FANCA: variants seen among roughly 807,000 people sequenced by gnomAD.
FANCA encodes FA complementation group A.
FANCA carries 236 observed loss-of-function variants against 194.3 expected under a neutral mutation model. That is an observed-to-expected ratio of 1.21 (90% CI 1.09 to 1.35). The LOEUF is 1.35. Among genes scored for constraint, FANCA ranks in the 40% most tolerant of loss-of-function variants. The pLI is 0.00. For missense variants in FANCA, 2,628 were observed against 1,813.9 expected (o/e 1.45, Z -8.15); for synonymous variants, 1,014 against 715.8 (o/e 1.42, Z -6.65).
intron 2 of FANCA, among the ~76,000 whole-genome samples, 186 bp from the exon 3 acceptor site, chr16:89,814,799 G>A (rs1287084893): frequency 6.6e-6 from 1 of 151,920 alleles, no homozygotes; most frequent in Non-Finnish European, 1.5e-5. Context: ...AAATTAGGAG[G>A]GCATGGTGGC....
At chr16:89,773,874 A>G (rs1396909733) in intron 21 of FANCA, among the ~76,000 whole-genome samples, 2 of 151,606 alleles carry the variant, frequency 1.3e-5, no homozygotes, top group Non-Finnish European at 2.9e-5. Context: ...CCGGGTTCAA[A>G]TCATCCTGCC....
intron 29 of FANCA, among the ~76,000 whole-genome samples, chr16:89,759,996 G>A (rs1025635211): frequency 6.6e-6 from 1 of 151,798 alleles, no homozygotes. Flanking sequence ...CCGGGACCGG[G>A]GTGCTCCACC....
chr16:89,795,003 G>A (rs954709018), intron 11 of FANCA, among the ~76,000 whole-genome samples: 7 of 152,170 alleles, frequency 4.6e-5, no homozygotes, highest in Non-Finnish European at 8.8e-5. Context: ...ACTAGACAGC[G>A]GCTGGGCACA....
At chr16:89,746,310 G>C (rs750888272) in intron 35 of FANCA, among the ~76,000 whole-genome samples, 6 of 152,192 alleles carry the variant, frequency 3.9e-5, no homozygotes, top group Non-Finnish European at 7.3e-5. Context: ...TGGACATGAA[G>C]GTGCCCGTGG....
chr16:89,738,845 T>A (rs2062038813), intron 42 of FANCA, 37 bp downstream of exon 42: 1 of 1,614,094 alleles, frequency 6.2e-7, no homozygotes, highest in South Asian at 1.1e-5. Context: ...AATTCTCATG[T>A]CCCCCACATG....
Position 89,742,802 on chromosome 16 carries a change from C to G in FANCA, c.3763G>C (p.Glu1255Gln). The change falls in exon 37 of 43, where the codon GAG becomes CAG. Residue 1255 changes from glutamate to glutamine, a missense_variant and splice_region_variant. Glu to Gln is a conservative substitution (Grantham distance 29, BLOSUM62 2). Coordinates refer to ENST00000389301, the MANE Select transcript of FANCA (RefSeq NM_000135.4). ...AGTAAAAGAATTTCCTATCTTGCCT[C>G]CTCTCTCTCGCAGTCCAGCTTCTTT... is the stretch of plus-strand genomic sequence containing the variant. ...QLKKLDCERE[E>Q]LLVFLFFFSL... is the part of the protein sequence containing the mutation. 5 of 1,614,074 alleles carry G rather than the reference C, an allele frequency of 3.1e-6. No individual in the cohort carries two copies. The highest frequency in any genetic ancestry group is 1.3e-5 in the African/African-American group (1 of 75,026).
chr16:89,765,644 C>A (rs901989535), intron 27 of FANCA, among the ~76,000 whole-genome samples: 1 of 152,244 alleles, frequency 6.6e-6, no homozygotes, highest in Non-Finnish European at 1.5e-5. Context: ...ACCAACTGGA[C>A]AAGCCAGACA....
rs1567590008 is a variant in FANCA at position 89,738,359 on chromosome 16, G to A, written c.*242C>T. ...GGTCGGAGGGTGCTGCCCGCCCTTG[G>A]TGCTGGAGGCGGGCTTGGTGTCCGG... is the stretch of plus-strand genomic sequence containing the variant. On this transcript the variant is annotated 3_prime_UTR_variant, in exon 43 of 43. Coordinates refer to ENST00000389301, the MANE Select transcript of FANCA (RefSeq NM_000135.4). 2.7e-6 allele frequency: 4 copies of A among 1,467,622 alleles called. No individual in the cohort carries two copies. Among genetic ancestry groups the A allele is most frequent in the Non-Finnish European group, 3.6e-6 (4 of 1,103,178 alleles). 90.9% of individuals were successfully genotyped at this position (1,467,622 alleles called of 1,614,324 possible). A position where few individuals can be genotyped will look rare whatever the true frequency, so the allele number is the denominator to read the frequency against.
At chr16:89,768,976 A>G (rs2039225697) in intron 26 of FANCA, among the ~76,000 whole-genome samples, 1 of 152,088 alleles carries the variant, frequency 6.6e-6, no homozygotes, top group Non-Finnish European at 1.5e-5. Flanking sequence ...AGCGCCTAGG[A>G]GGGACTCTGT....
rs181842476 is a variant in FANCA at position 89,738,436 on chromosome 16, G to A, written c.*165C>T. ...ACCAGTGGTTTATTTTCCCGCAAAC[G>A]CTGAGTGACTCGGGGCCGGACAGTT... On this transcript the variant is annotated 3_prime_UTR_variant, in exon 43 of 43. Transcript: ENST00000389301. 9.8e-5 allele frequency: 135 copies of A among 1,380,216 alleles called. No individual in the cohort carries two copies. In the African/African-American group the frequency reaches 1.7e-3, roughly 17 times the overall value. 85.5% of individuals were successfully genotyped at this position (1,380,216 alleles called of 1,614,324 possible). A position where few individuals can be genotyped will look rare whatever the true frequency, so the allele number is the denominator to read the frequency against.
chr16:89,740,095 G>A lies in FANCA; in HGVS notation c.3833C>T (p.Thr1278Ile), dbSNP rs1224206064. The A allele has an allele frequency of 4.3e-6, 7 of 1,614,052 alleles. No homozygotes were observed. Among genetic ancestry groups the A allele is most frequent in the East Asian group, 2.2e-5 (1 of 44,880 alleles). ...LLSSHLTSNS[T>I]TDLPKAFHVC... ...GTGGAAAGCCTTTGGCAGGTCTGTG[G>A]TGCTCTGTAAACCGCAGGAGACCAA... is the stretch of plus-strand genomic sequence containing the variant. Residue 1278 changes from threonine to isoleucine, a missense_variant, in exon 39 of 43, where the codon ACC becomes ATC. By Grantham distance (89) the Thr-to-Ile change is moderately conservative. Transcript: ENST00000389301.
chr16:89,806,100 A>C (rs2040631052), intron 6 of FANCA, among the ~76,000 whole-genome samples: 1 of 151,992 alleles, frequency 6.6e-6, no homozygotes. Flanking sequence ...TTTAGTAGAG[A>C]CAGGGTTTCA....
chr16:89,812,175 G>C (rs2040910653), intron 3 of FANCA, among the ~76,000 whole-genome samples: 1 of 149,968 alleles, frequency 6.7e-6, no homozygotes, highest in Non-Finnish European at 1.5e-5. Flanking sequence ...CTCTACTAAA[G>C]ACACAAAAAC....
Position 89,746,497 on chromosome 16 carries a change from G to A in FANCA, c.3513+87C>T, listed in dbSNP as rs2038394972. On this transcript the variant is annotated intron_variant, in intron 35 of 42. Coordinates refer to ENST00000389301, the MANE Select transcript of FANCA (RefSeq NM_000135.4). ...TCCCTGAGATGGTAACACCCGTGAT[G>A]GAGACGTGCTGCAGAGATGCCAGAG... The A allele has an allele frequency of 2.7e-5, 28 of 1,043,696 alleles. 3 individuals are homozygous for A. The South Asian group carries it at 3.5e-4, about 13-fold the overall frequency. 64.7% of individuals were successfully genotyped at this position (1,043,696 alleles called of 1,614,324 possible).
At chr16:89,785,853 G>GTTCT (rs1555557050) in intron 14 of FANCA, among the ~76,000 whole-genome samples, 2 of 113,166 alleles carry the variant, frequency 1.8e-5, no homozygotes, top group Admixed American at 2.0e-4. Flanking sequence ...GCAAAATTGT[G>GTTCT]TTTTGTTTTT....
Position 89,782,875 on chromosome 16 carries a change from G to C in FANCA, c.1610C>G (p.Ala537Gly). ...NMGLYEDLSSAGDITEPHSQA... is the reference protein window; with the variant it reads ...NMGLYEDLSSGGDITEPHSQA... ...CAACATTACCTCAGTAATGTCCCCA[G>C]CTGATGACAAATCCTCGTAGAGTCC... The change falls in exon 17 of 43, where the codon GCT becomes GGT. Residue 537 changes from alanine to glycine, a missense_variant. By Grantham distance (60) the Ala-to-Gly change is moderately conservative. Coordinates refer to ENST00000389301, the MANE Select transcript of FANCA (RefSeq NM_000135.4). 1 of 1,614,072 alleles carries C rather than the reference G, an allele frequency of 6.2e-7. No individual in the cohort carries two copies. Among genetic ancestry groups the C allele is most frequent in the Non-Finnish European group, 8.5e-7 (1 of 1,179,902 alleles).
At chr16:89,750,698 G>A (rs987753566) in intron 31 of FANCA, among the ~76,000 whole-genome samples, 1 of 152,028 alleles carries the variant, frequency 6.6e-6, no homozygotes, top group Admixed American at 6.6e-5. Flanking sequence ...GTTTGAACCC[G>A]GGAGGTAGAG....
intron 14 of FANCA, 147 bp downstream of exon 14, chr16:89,791,256 G>A (rs957283979): frequency 7.5e-6 from 8 of 1,061,086 alleles, no homozygotes; most frequent in Non-Finnish European, 9.8e-6. Flanking sequence ...GGCACACGCA[G>A]AGGAAGATCT....
intron 11 of FANCA, among the ~76,000 whole-genome samples, chr16:89,793,534 TTTA>T (rs2040147348): frequency 6.6e-6 from 1 of 152,180 alleles, no homozygotes; most frequent in East Asian, 1.9e-4. Flanking sequence ...TGTTTTATAT[TTTA>T]TTATACTAGA....
Sources: gnomAD v4.1 joint callset for allele counts (sites outside exome capture counted in the v4.1 genomes callset) on GRCh38, gnomAD v4.1.1 for gene constraint, MANE v1.5 for transcripts, NCBI Gene and HGNC (gene_info 2026-07-23, HGNC 2026-07-21) for gene names.